PEX13: variants seen among roughly 807,000 people sequenced by gnomAD.
The protein encoded by PEX13 is peroxisome biogenesis factor 13.
PEX13 carries 28 observed loss-of-function variants against 34.5 expected under a neutral mutation model. The observed-to-expected ratio is 0.81, with a 90% CI of 0.60 to 1.11. PEX13 has a LOEUF of 1.11. PEX13 is among the 50% of genes most tolerant of loss of function. PEX13 has a pLI of 0.00. For synonymous variants in PEX13, 177 were observed against 175.1 expected (o/e 1.01, Z -0.09); for missense variants, 550 against 491.0 (o/e 1.12, Z -1.13).
At chr2:61,018,344 T>A in intron 1 of PEX13, 1 of 1,514,704 alleles carries the variant, frequency 6.6e-7, no homozygotes, top group Non-Finnish European at 8.9e-7. Flanking sequence ...TTTGCATTCT[T>A]TTCCAGCATA....
chr2:61,034,622 A>G (rs1033558589), intron 2 of PEX13, among the ~76,000 whole-genome samples: 3 of 152,184 alleles, frequency 2.0e-5, no homozygotes, highest in Admixed American at 2.0e-4. Context: ...CGCTTTTCCT[A>G]TGGTCCTCGC....
chr2:61,029,982 A>G (rs982327599), intron 1 of PEX13, among the ~76,000 whole-genome samples: 1 of 152,318 alleles, frequency 6.6e-6, no homozygotes, highest in East Asian at 1.9e-4. Context: ...GAGGATGTGC[A>G]TAGGTTATAT....
intron 2 of PEX13, among the ~76,000 whole-genome samples, chr2:61,040,286 C>T (rs151288153): frequency 0.02 from 3,031 of 152,130 alleles, 97 homozygotes; most frequent in African/African-American, 0.069. Flanking sequence ...CACATGCACA[C>T]GTATGTTTAT....
chr2:61,022,135 C>A (rs973768130), intron 1 of PEX13, among the ~76,000 whole-genome samples: 15 of 152,336 alleles, frequency 9.8e-5, no homozygotes, highest in African/African-American at 3.6e-4. Context: ...CAAAGGATCG[C>A]AGCTCCTTGC....
chr2:61,031,319 A>G (rs1011602112), intron 1 of PEX13, 100 bp from the exon 2 acceptor site: 2 of 866,698 alleles, frequency 2.3e-6, no homozygotes, highest in Admixed American at 2.0e-5. Context: ...CTTCAGTAGA[A>G]TTTGTCATAG....
chr2:61,027,573 C>G (rs1306989361), intron 1 of PEX13, among the ~76,000 whole-genome samples: 1 of 152,178 alleles, frequency 6.6e-6, no homozygotes, highest in Non-Finnish European at 1.5e-5. Flanking sequence ...AAGCATTGAA[C>G]TGGTTCCATT....
At chr2:61,034,042 G>C (rs1680494614) in intron 2 of PEX13, among the ~76,000 whole-genome samples, 1 of 152,050 alleles carries the variant, frequency 6.6e-6, no homozygotes, top group Middle Eastern at 3.4e-3. Context: ...TGTCACCCAG[G>C]CTGGAGTGCA....
chr2:61,033,151 C>T (rs1422239341), intron 2 of PEX13, among the ~76,000 whole-genome samples: 1 of 152,146 alleles, frequency 6.6e-6, no homozygotes, highest in Non-Finnish European at 1.5e-5. Flanking sequence ...TGGTAAAGTT[C>T]ATAAAGGATT....
chr2:61,038,689 C>A (rs1680573674), intron 2 of PEX13, among the ~76,000 whole-genome samples: 1 of 152,132 alleles, frequency 6.6e-6, no homozygotes, highest in Non-Finnish European at 1.5e-5. Context: ...CCTTTGAAAA[C>A]CAGCACAAGA....
rs752671523 is a variant in PEX13 at position 61,031,429 on chromosome 2, T to A, written c.103T>A (p.Leu35Met). The change falls in exon 2 of 4, where the codon TTG (leucine) becomes ATG (methionine). Residue 35 changes from leucine to methionine, a missense_variant. Leu to Met is a conservative substitution (Grantham distance 15). Coordinates refer to ENST00000295030, the MANE Select transcript of PEX13 (RefSeq NM_002618.4). ...GPGPTFQSAD[L>M]GPTLMTRPGQ... ...CTTTTTTGGTTTTAGATCTGCTGAT[T>A]TGGGTCCTACTTTAATGACAAGACC... 3 of 1,613,914 alleles carry A rather than the reference T, an allele frequency of 1.9e-6. No homozygotes were observed. The highest frequency in any genetic ancestry group is 2.5e-6 in the Non-Finnish European group (3 of 1,179,792).
In PEX13 at chr2:61,031,987, C is replaced by G. The variant is rs192034592; in HGVS notation, c.661C>G (p.Leu221Val). ...AGAGAGTGAAGGAACTGTGGCATGCCTTGGTGCTGAGGACCGAGCAGCTAC... is the reference window on the plus strand; with the variant it reads ...AGAGAGTGAAGGAACTGTGGCATGCGTTGGTGCTGAGGACCGAGCAGCTAC... ...WAESEGTVAC[L>V]GAEDRAATSA... Residue 221 changes from leucine to valine, a missense_variant, in exon 2 of 4, where the codon CTT becomes GTT. Coordinates refer to ENST00000295030, the MANE Select transcript of PEX13 (RefSeq NM_002618.4). 75 of 1,613,836 alleles carry G rather than the reference C, an allele frequency of 4.6e-5. No individual in the cohort carries two copies. The Middle Eastern group carries it at 1.2e-3, about 25-fold the overall frequency.
At chr2:61,018,131 C>G in intron 1 of PEX13, 1 of 1,549,334 alleles carries the variant, frequency 6.5e-7, no homozygotes, top group Non-Finnish European at 8.7e-7. Context: ...GGGCGGCTTC[C>G]TACCTACCGC....
At chr2:61,039,346 A>G (rs1424028491) in intron 2 of PEX13, among the ~76,000 whole-genome samples, 2 of 152,178 alleles carry the variant, frequency 1.3e-5, no homozygotes, top group Non-Finnish European at 2.9e-5. Context: ...TTCAAACTAT[A>G]CTACAAGGCT....
rs1680761066 is a variant in PEX13, at chr2:61,049,496, A to T, written c.*726A>T. The T allele has an allele frequency of 6.6e-6, 1 of 152,378 alleles. No individual in the cohort carries two copies. Among genetic ancestry groups the T allele is most frequent in the Non-Finnish European group, 1.5e-5 (1 of 68,080 alleles). 9.4% of individuals were successfully genotyped at this position (152,378 alleles called of 1,614,324 possible). ...CCTTAATTATTTATCTCTTTAAGCC[A>T]GGCATGGTGGCTCACGCCTGTAATC... On this transcript the variant is annotated 3_prime_UTR_variant, in exon 4 of 4. Transcript: ENST00000295030.
intron 2 of PEX13, among the ~76,000 whole-genome samples, chr2:61,043,000 T>C (rs1680649168): frequency 6.6e-6 from 1 of 152,202 alleles, no homozygotes. Context: ...GAGAGTGAGT[T>C]TGTTATACAA....
rs1401469147 is a variant in PEX13, at chr2:61,051,879, C to G, written c.*3109C>G. On this transcript the variant is annotated 3_prime_UTR_variant, in exon 4 of 4. Coordinates refer to ENST00000295030, the MANE Select transcript of PEX13 (RefSeq NM_002618.4). ...TTACTTGAACACAGCTATCCTTTAT[C>G]TTGTGCTTTCTTTAATAGAAAAATG... 1 of 152,238 alleles carries G rather than the reference C, an allele frequency of 6.6e-6. No homozygotes were observed. The highest frequency in any genetic ancestry group is 6.6e-5 in the Admixed American group (1 of 15,258). The allele number at this position is 152,238 out of a possible 1,614,324, so 9.4% of individuals were successfully genotyped here.
intron 1 of PEX13, 86 bp from the exon 2 acceptor site, chr2:61,031,333 C>T (rs1680445392): frequency 2.1e-6 from 2 of 939,788 alleles, no homozygotes; most frequent in African/African-American, 1.6e-5. Context: ...GTCATAGCAC[C>T]AGGTATATAG....
rs1203328461 is a variant in PEX13, at chr2:61,031,902, C to T, written c.576C>T (p.Tyr192=). Residue 192 remains tyrosine, a synonymous_variant, in exon 2 of 4, where the codon TAC becomes TAT. Transcript: ENST00000295030. ...FALVRTIRYL[Y]RRLQRMLGLR... is the part of the protein sequence containing the mutation. The stretch of plus-strand genomic sequence containing the variant: ...TGGTTAGGACTATACGGTATCTTTA[C>T]AGACGGCTACAGCGGATGTTAGGTT... 1 of 1,613,896 alleles carries T rather than the reference C, an allele frequency of 6.2e-7. No individual in the cohort carries two copies. Among genetic ancestry groups the T allele is most frequent in the Non-Finnish European group, 8.5e-7 (1 of 1,179,752 alleles).
At chr2:61,042,332 A>T (rs1229269438) in intron 2 of PEX13, among the ~76,000 whole-genome samples, 1 of 152,204 alleles carries the variant, frequency 6.6e-6, no homozygotes, top group Non-Finnish European at 1.5e-5. Flanking sequence ...AAATTTCAGT[A>T]ACTTAGTTAT....
Sources: gnomAD v4.1 joint callset for allele counts (sites outside exome capture counted in the v4.1 genomes callset) on GRCh38, gnomAD v4.1.1 for gene constraint, MANE v1.5 for transcripts, NCBI Gene and HGNC (gene_info 2026-07-23, HGNC 2026-07-21) for gene names.